KIAA1549L: variants seen among roughly 807,000 people sequenced by gnomAD.
KIAA1549L encodes the protein KIAA1549 like.
In KIAA1549L, 88 loss-of-function variants were observed where a neutral mutation model predicts 160.7. That is an observed-to-expected ratio of 0.55 (90% CI 0.46 to 0.65). KIAA1549L has a LOEUF of 0.65. KIAA1549L is among the 30% of genes least tolerant of loss of function. KIAA1549L has a pLI of 0.00. For synonymous variants in KIAA1549L, 950 were observed against 976.7 expected (o/e 0.97, Z 0.51); for missense variants, 2,258 against 2,437.5 (o/e 0.93, Z 1.55).
At chr11:33,577,128 A>G (rs1409376038) in intron 10 of KIAA1549L, among the ~76,000 whole-genome samples, 1 of 152,194 alleles carries the variant, frequency 6.6e-6, no homozygotes, top group Non-Finnish European at 1.5e-5. Flanking sequence ...AGGACAGCAG[A>G]TCTCACGGGA....
At chr11:33,663,004 T>C (rs1350071565) in intron 20 of KIAA1549L, among the ~76,000 whole-genome samples, 2 of 152,144 alleles carry the variant, frequency 1.3e-5, no homozygotes, top group African/African-American at 2.4e-5. Context: ...AGCCCAACTA[T>C]CACCTGCAAT....
intron 1 of KIAA1549L, among the ~76,000 whole-genome samples, chr11:33,416,337 G>A (rs181443468): frequency 1.3e-5 from 2 of 152,072 alleles, no homozygotes; most frequent in African/African-American, 4.8e-5. Flanking sequence ...TTGGTCAGCT[G>A]TTCCATTCCC....
rs117056036 is a variant in KIAA1549L, at chr11:33,409,148, C to A, written c.238+32259C>A. On this transcript the variant is annotated intron_variant, in intron 1 of 20. Coordinates refer to ENST00000658780, the MANE Select transcript of KIAA1549L (RefSeq NM_012194.3). Reference sequence around the variant, plus strand: ...TTTGTTTTTTTTCTTTTTTTGGAAGCGTTTACAAAGTCTTTGGAAAAAGTC... The same window carrying A: ...TTTGTTTTTTTTCTTTTTTTGGAAGAGTTTACAAAGTCTTTGGAAAAAGTC... Among the ~76,000 whole-genome samples, 988 of 151,532 alleles carry A rather than the reference C, an allele frequency of 6.5e-3. 17 individuals are homozygous for A. The highest frequency in any genetic ancestry group is 7.2e-3 in the Non-Finnish European group (487 of 67,832).
intron 1 of KIAA1549L, among the ~76,000 whole-genome samples, chr11:33,394,891 G>A (rs769110757): frequency 3.9e-5 from 6 of 152,246 alleles, no homozygotes; most frequent in Admixed American, 6.5e-5. Flanking sequence ...GAAGCAGACA[G>A]AGTAACAGGT....
At chr11:33,582,051 A>G (rs1222646774) in intron 10 of KIAA1549L, among the ~76,000 whole-genome samples, 1 of 152,250 alleles carries the variant, frequency 6.6e-6, no homozygotes, top group African/African-American at 2.4e-5. Context: ...CAGAAGCTAT[A>G]AGCTCTATGT....
At chr11:33,432,300 C>T (rs1851266409) in intron 1 of KIAA1549L, among the ~76,000 whole-genome samples, 1 of 152,238 alleles carries the variant, frequency 6.6e-6, no homozygotes, top group Non-Finnish European at 1.5e-5. Context: ...AGCACACTGT[C>T]ACCTCTCAGC....
chr11:33,530,475 A>ATATG (rs1853743007), intron 1 of KIAA1549L, among the ~76,000 whole-genome samples: 15 of 114,462 alleles, frequency 1.3e-4, no homozygotes, highest in Non-Finnish European at 3.6e-5. Context: ...ATATATATAT[A>ATATG]TATATATATG....
chr11:33,634,509 T>C (rs1851387484), intron 16 of KIAA1549L, among the ~76,000 whole-genome samples: 1 of 152,182 alleles, frequency 6.6e-6, no homozygotes, highest in African/African-American at 2.4e-5. Flanking sequence ...GGGACAGTGG[T>C]TGCAACTCAA....
intron 10 of KIAA1549L, among the ~76,000 whole-genome samples, chr11:33,576,708 G>A (rs1477102631): frequency 6.6e-6 from 1 of 152,202 alleles, no homozygotes; most frequent in Non-Finnish European, 1.5e-5. Context: ...TGTAGCCAGG[G>A]AAGGAAGCGG....
At chr11:33,634,276 C>T (rs1259361611) in intron 16 of KIAA1549L, among the ~76,000 whole-genome samples, 1 of 134,292 alleles carries the variant, frequency 7.4e-6, no homozygotes, top group East Asian at 2.4e-4. Context: ...CTCCTGACCT[C>T]AAGTGATCCA....
intron 1 of KIAA1549L, among the ~76,000 whole-genome samples, chr11:33,419,179 C>T (rs563066044): frequency 1.3e-5 from 2 of 152,240 alleles, no homozygotes; most frequent in Admixed American, 6.5e-5. Flanking sequence ...CGCCTCCCTA[C>T]ATTTCTTTAT....
chr11:33,660,667 C>G (rs1852229655), intron 19 of KIAA1549L, among the ~76,000 whole-genome samples, 196 bp from the exon 20 acceptor site: 1 of 152,192 alleles, frequency 6.6e-6, no homozygotes, highest in Non-Finnish European at 1.5e-5. Context: ...GTCCACTGCA[C>G]CTTAAATGAA....
At chr11:33,446,624 C>T (rs1851617473) in intron 1 of KIAA1549L, among the ~76,000 whole-genome samples, 1 of 152,072 alleles carries the variant, frequency 6.6e-6, no homozygotes, top group Non-Finnish European at 1.5e-5. Flanking sequence ...CAAATGTTGG[C>T]TAGGACTGCA....
intron 1 of KIAA1549L, among the ~76,000 whole-genome samples, chr11:33,498,252 C>T (rs915679694): frequency 9.9e-5 from 15 of 152,162 alleles, no homozygotes; most frequent in African/African-American, 3.1e-4. Context: ...TGGGGCTTGT[C>T]CCGGATTCAC....
At chr11:33,623,536 T>C (rs1851015775) in intron 16 of KIAA1549L, among the ~76,000 whole-genome samples, 1 of 152,184 alleles carries the variant, frequency 6.6e-6, no homozygotes. Context: ...AAGAGAAATA[T>C]CTGCTCATGG....
At chr11:33,547,693 G>A in intron 3 of KIAA1549L, 71 bp from the exon 4 acceptor site, 1 of 931,250 alleles carries the variant, frequency 1.1e-6, no homozygotes, top group Non-Finnish European at 1.7e-6. Context: ...GTGGTTGGGA[G>A]GAGCAGAGGG....
At chr11:33,569,786 T>C (rs1370970267) in intron 9 of KIAA1549L, among the ~76,000 whole-genome samples, 1 of 152,226 alleles carries the variant, frequency 6.6e-6, no homozygotes, top group Non-Finnish European at 1.5e-5. Flanking sequence ...AGGTTTGTGA[T>C]TTCTCCTTTG....
At chr11:33,603,822 A>T (rs889752882) in intron 13 of KIAA1549L, among the ~76,000 whole-genome samples, 3 of 151,520 alleles carry the variant, frequency 2.0e-5, no homozygotes, top group African/African-American at 7.3e-5. Flanking sequence ...AAAAAGAAAG[A>T]AAAAAGAAGG....
Position 33,543,567 on chromosome 11 carries a change from G to A in KIAA1549L, c.2004G>A (p.Gln668=). 1.9e-6 allele frequency: 3 copies of A among 1,614,010 alleles called. No homozygotes were observed. The highest frequency in any genetic ancestry group is 2.5e-6 in the Non-Finnish European group (3 of 1,179,890). ...GGTTGCCAGCTTCAGCTTCCAAACA[G>A]GTGAGAGCATCGCCCTCCTCCATGG... ...HSGLPASASK[Q]VRASPSSMDV... The change falls in exon 2 of 21, where the codon CAG becomes CAA. Residue 668 remains glutamine, a synonymous_variant. Coordinates refer to ENST00000658780, the MANE Select transcript of KIAA1549L (RefSeq NM_012194.3).
Sources: gnomAD v4.1 joint callset for allele counts (sites outside exome capture counted in the v4.1 genomes callset) on GRCh38, gnomAD v4.1.1 for gene constraint, MANE v1.5 for transcripts, NCBI Gene and HGNC (gene_info 2026-07-23, HGNC 2026-07-21) for gene names.